Variants in FANCM observed in about 807,000 individuals in gnomAD.
FANCM encodes the protein Fanconi anemia group M protein.
FANCM carries 140 observed loss-of-function variants against 199.5 expected under a neutral mutation model. The observed-to-expected ratio is 0.70, with a 90% CI of 0.61 to 0.81. The LOEUF (loss-of-function observed/expected upper bound fraction) is 0.81. Among genes scored for constraint, FANCM ranks in the 30% least tolerant of loss-of-function variants. The pLI, the probability that FANCM is intolerant of heterozygous loss-of-function variation, is 0.00. For missense variants in FANCM, 2,410 were observed against 2,421.4 expected, an observed-to-expected ratio of 1.00 and a Z score of 0.10; for synonymous variants, 840 against 836.8, an observed-to-expected ratio of 1.00 and a Z score of -0.07.
Position 45,148,975 on chromosome 14 carries a change from A to G in FANCM, c.898A>G (p.Ile300Val), listed in dbSNP as rs749659002. 6.2e-6 allele frequency: 10 copies of G among 1,613,856 alleles called. No individual in the cohort carries two copies. The highest frequency in any genetic ancestry group is 1.7e-5 in the Admixed American group (1 of 60,014). ...IVPLGEELAAIQKTYIQILES... is the reference protein window; with the variant it reads ...IVPLGEELAAVQKTYIQILES... ...TCCGCTTGGTGAAGAACTTGCAGCC[A>G]TCCAAAAGACCTATATCCAGGTAAA... The change falls in exon 4 of 23, where the codon ATC (isoleucine) becomes GTC (valine). Residue 300 changes from isoleucine to valine, a missense_variant. Transcript: ENST00000267430.
chr14:45,178,567 A>T (rs1345955118), intron 14 of FANCM, among the ~76,000 whole-genome samples: 1 of 152,214 alleles, frequency 6.6e-6, no homozygotes, highest in Non-Finnish European at 1.5e-5. Context: ...TTAAAACATC[A>T]TGAAAGCACT....
intron 20 of FANCM, chr14:45,195,630 T>C (rs1890014008): frequency 4.5e-6 from 2 of 449,266 alleles, no homozygotes; most frequent in African/African-American, 2.0e-5. Flanking sequence ...ACTTCCATGT[T>C]GTTTTTGACC....
Position 45,148,714 on chromosome 14 carries a change from A to G in FANCM, c.760-123A>G. 1.2e-5 allele frequency: 8 copies of G among 662,692 alleles called. No homozygotes were observed. The South Asian group carries it at 1.4e-4, about 12-fold the overall frequency. 41.1% of individuals were successfully genotyped at this position (662,692 alleles called of 1,614,324 possible). On this transcript the variant is annotated intron_variant, in intron 3 of 22. Transcript: ENST00000267430. ...AGGCTTATCTTCTTTCTTTTTTGTT[A>G]CTTAATGATATAAATTTCTGGTGCT...
chr14:45,171,413 G>A (rs904173075), intron 12 of FANCM, among the ~76,000 whole-genome samples: 1 of 151,492 alleles, frequency 6.6e-6, no homozygotes, highest in Admixed American at 6.6e-5. Flanking sequence ...TGAGATTTTG[G>A]TGCACATCAT....
chr14:45,196,656 C>A, intron 21 of FANCM, 109 bp downstream of exon 21: 1 of 1,031,074 alleles, frequency 9.7e-7, no homozygotes, highest in East Asian at 2.5e-5. Flanking sequence ...ATATAAACAC[C>A]TGACTGGTGA....
At chr14:45,171,463 C>A (rs1199276811) in intron 12 of FANCM, among the ~76,000 whole-genome samples, 1 of 151,952 alleles carries the variant, frequency 6.6e-6, no homozygotes, top group Non-Finnish European at 1.5e-5. Context: ...AGTCTTTTAT[C>A]CCTTGCCCCA....
chr14:45,190,413 T>G (rs1171367417), intron 20 of FANCM, among the ~76,000 whole-genome samples: 2 of 152,224 alleles, frequency 1.3e-5, no homozygotes, highest in African/African-American at 4.8e-5. Flanking sequence ...TAGATCAAGC[T>G]AATTAACATA....
At chr14:45,178,640 T>C (rs983062817) in intron 14 of FANCM, among the ~76,000 whole-genome samples, 1 of 152,210 alleles carries the variant, frequency 6.6e-6, no homozygotes, top group African/African-American at 2.4e-5. Flanking sequence ...TAACTTTGGC[T>C]TCCTTATAAG....
chr14:45,195,560 C>T (rs970724151), intron 20 of FANCM: 1 of 456,394 alleles, frequency 2.2e-6, no homozygotes, highest in Non-Finnish European at 4.4e-6. Flanking sequence ...CAGGATTTGG[C>T]AGATTACTTT....
intron 11 of FANCM, among the ~76,000 whole-genome samples, chr14:45,169,918 A>G (rs1594791103): frequency 6.6e-6 from 1 of 152,006 alleles, no homozygotes; most frequent in African/African-American, 2.4e-5. Context: ...CCCAACCCCC[A>G]TTTAAGACTT....
rs753403858 is a variant in FANCM at position 45,167,141 on chromosome 14, A to G, written c.1980A>G (p.Ser660=). The G allele has an allele frequency of 2.5e-6, 4 of 1,611,002 alleles. No individual in the cohort carries two copies. The highest frequency in any genetic ancestry group is 2.2e-5 in the South Asian group (2 of 91,038). The part of the protein sequence containing the change: ...EKPSRNLQRK[S]SIFSYRDGMR... ...CTTCTCGGAACTTGCAGCGAAAGTC[A>G]TCTATCTTTTCCTATAGGGATGGTA... The change falls in exon 11 of 23, where the codon TCA becomes TCG. Residue 660 remains serine (S), a synonymous_variant. Coordinates refer to ENST00000267430, the MANE Select transcript of FANCM (RefSeq NM_020937.4).
intron 20 of FANCM, among the ~76,000 whole-genome samples, chr14:45,190,715 T>C (rs995042114): frequency 1.3e-5 from 2 of 151,902 alleles, no homozygotes; most frequent in Non-Finnish European, 2.9e-5. Context: ...CATTGCAAAT[T>C]GTCCCCATTT....
At chr14:45,169,435 C>T (rs1400170519) in intron 11 of FANCM, among the ~76,000 whole-genome samples, 1 of 142,938 alleles carries the variant, frequency 7.0e-6, no homozygotes, top group Non-Finnish European at 1.5e-5. Context: ...TAAAAAGCTT[C>T]TTACACAAGT....
chr14:45,145,386 C>T (rs1047873858), intron 3 of FANCM, among the ~76,000 whole-genome samples: 3 of 152,070 alleles, frequency 2.0e-5, no homozygotes, highest in African/African-American at 7.2e-5. Context: ...AGAGCATTTG[C>T]AGGAACTTAA....
chr14:45,184,451 C>A (rs968162966), intron 17 of FANCM, among the ~76,000 whole-genome samples: 4 of 151,980 alleles, frequency 2.6e-5, no homozygotes, highest in African/African-American at 9.7e-5. Flanking sequence ...CACCTGAGAT[C>A]AGGAGTTTGA....
chr14:45,182,252 C>T (rs952203340), intron 16 of FANCM, among the ~76,000 whole-genome samples: 1 of 151,870 alleles, frequency 6.6e-6, no homozygotes, highest in Non-Finnish European at 1.5e-5. Flanking sequence ...GCATTGTTTA[C>T]AGAATAACAG....
In FANCM at chr14:45,159,131, C is replaced by T. The variant is rs552052505; in HGVS notation, c.1432C>T (p.Arg478Ter). 1.2e-6 allele frequency: 2 copies of T among 1,611,736 alleles called. No homozygotes were observed. Among genetic ancestry groups the T allele is most frequent in the African/African-American group, 1.3e-5 (1 of 74,888 alleles). The change falls in exon 9 of 23, where the codon CGA becomes TGA. Residue 478 changes from arginine to a stop codon, truncating the protein, a stop_gained. Coordinates refer to ENST00000267430, the MANE Select transcript of FANCM (RefSeq NM_020937.4). LOFTEE classifies it high-confidence loss of function. Reference sequence around the variant, plus strand: ...TACTGAAAAGAAACGTGATGAGACCCGAGTTATGATCTTCTCTTCATTTCG... The same window carrying T: ...TACTGAAAAGAAACGTGATGAGACCTGAGTTATGATCTTCTCTTCATTTCG... Reference protein sequence around the residue: ...NTTEKKRDETRVMIFSSFRDS... With the variant: ...NTTEKKRDET
Position 45,198,675 on chromosome 14 carries a change from G to C in FANCM, c.5748G>C (p.Lys1916Asn), listed in dbSNP as rs1437432465. The part of the protein sequence containing the change: ...GDTSRMFRRT[K>N]SYDSLLTTLI... ...CATCAAGGATGTTTAGGAGAACAAA[G>C]AGCTATGACAGCCTGCTGACTACCT... Residue 1916 changes from lysine to asparagine, a missense_variant, in exon 22 of 23, where the codon AAG becomes AAC. Coordinates refer to ENST00000267430, the MANE Select transcript of FANCM (RefSeq NM_020937.4). 6.2e-7 allele frequency: 1 copy of C among 1,613,046 alleles called. No individual in the cohort carries two copies. The highest frequency in any genetic ancestry group is 1.3e-5 in the African/African-American group (1 of 74,888).
intron 3 of FANCM, among the ~76,000 whole-genome samples, chr14:45,141,934 A>G (rs1460004214): frequency 6.6e-6 from 1 of 151,890 alleles, no homozygotes; most frequent in Non-Finnish European, 1.5e-5. Flanking sequence ...AGTGTGCATA[A>G]GAATCCCTAA....
Sources: allele counts gnomAD v4.1 joint callset (sites outside exome capture counted in the v4.1 genomes callset), GRCh38; gene constraint gnomAD v4.1.1; transcripts MANE v1.5; gene names NCBI Gene and HGNC (gene_info 2026-07-23, HGNC 2026-07-21).